CHST11: variants seen among roughly 807,000 people sequenced by gnomAD.
CHST11 encodes C4S-1.
CHST11 carries 9 observed loss-of-function variants against 30.4 expected under a neutral mutation model. The observed-to-expected ratio is 0.30, with a 90% CI of 0.18 to 0.52. The LOEUF (loss-of-function observed/expected upper bound fraction) is 0.52. Ranked by LOEUF, CHST11 falls within the 20% of genes least tolerant of loss-of-function variation. The pLI is 0.97. For synonymous variants in CHST11, 152 were observed against 187.8 expected (o/e 0.81, Z 1.56); for missense variants, 348 against 460.6 (o/e 0.76, Z 2.24).
rs557531281 is a variant in CHST11 at position 104,468,601 on chromosome 12, A to G, written c.118+11072A>G. Among the ~76,000 whole-genome samples the G allele has an allele frequency of 2.6e-5, 4 of 152,286 alleles. No individual in the cohort carries two copies. In the South Asian group the frequency reaches 6.2e-4, roughly 24 times the overall value. The stretch of plus-strand genomic sequence containing the variant: ...TGATAGACATTCTGCGAAGGGTGGG[A>G]CCTTTCTGCCCATCAAAGAATCATT... On this transcript the variant is annotated intron_variant, in intron 1 of 2. Coordinates refer to ENST00000303694, the MANE Select transcript of CHST11 (RefSeq NM_018413.6).
intron 2 of CHST11, among the ~76,000 whole-genome samples, chr12:104,638,750 C>T (rs1391281963): frequency 1.3e-5 from 2 of 152,148 alleles, no homozygotes; most frequent in Admixed American, 1.3e-4. Flanking sequence ...GTGCAGCTTA[C>T]CTAAAGGAAG....
intron 2 of CHST11, among the ~76,000 whole-genome samples, chr12:104,680,114 T>A (rs548997872): frequency 6.6e-6 from 1 of 152,360 alleles, no homozygotes; most frequent in African/African-American, 2.4e-5. Flanking sequence ...GCCCCAGGGA[T>A]ACAGCAGTGC....
rs1050857508 is a variant in CHST11, at chr12:104,659,298, G to T, written c.204+57307G>T. ...GCAAAGTGGGGTGACAGTCTCTTAG[G>T]GTTGTTTAGGGAGGATTCCTTGAGG... On this transcript the variant is annotated intron_variant, in intron 2 of 2. Coordinates refer to ENST00000303694, the MANE Select transcript of CHST11 (RefSeq NM_018413.6). Among the ~76,000 whole-genome samples the T allele has an allele frequency of 2.0e-4, 31 of 152,296 alleles. 4 individuals carry two copies. The highest frequency in any genetic ancestry group is 9.2e-4 in the Admixed American group (14 of 15,298).
intron 2 of CHST11, among the ~76,000 whole-genome samples, chr12:104,693,487 C>T (rs1351593032): frequency 6.6e-6 from 1 of 152,170 alleles, no homozygotes; most frequent in Non-Finnish European, 1.5e-5. Context: ...CTGTCTCAGG[C>T]ACACCAGGAT....
At chr12:104,627,457 G>A (rs559756813) in intron 2 of CHST11, among the ~76,000 whole-genome samples, 1 of 152,214 alleles carries the variant, frequency 6.6e-6, no homozygotes, top group South Asian at 2.1e-4. Flanking sequence ...TGTAGCTGCC[G>A]CATGGACTGG....
intron 2 of CHST11, among the ~76,000 whole-genome samples, chr12:104,722,184 G>C (rs2136127233): frequency 6.7e-6 from 1 of 149,762 alleles, no homozygotes; most frequent in Middle Eastern, 3.4e-3. Context: ...GTGTGTGTGT[G>C]TGTGTATGAG....
chr12:104,558,029 C>T (rs1725403022), intron 1 of CHST11, among the ~76,000 whole-genome samples: 1 of 152,070 alleles, frequency 6.6e-6, no homozygotes, highest in Admixed American at 6.6e-5. Context: ...ACCAGCTCTG[C>T]TGTGCGGAGA....
At chr12:104,567,397 TC>T (rs2038578908) in intron 1 of CHST11, among the ~76,000 whole-genome samples, 1 of 152,196 alleles carries the variant, frequency 6.6e-6, no homozygotes. Flanking sequence ...ATGATTAGTT[TC>T]TTTTTGGGTA....
At chr12:104,717,865 G>A (rs923693074) in intron 2 of CHST11, among the ~76,000 whole-genome samples, 6 of 151,494 alleles carry the variant, frequency 4.0e-5, no homozygotes, top group East Asian at 1.9e-4. Flanking sequence ...CAGGAGAATC[G>A]CTTGAACCCA....
chr12:104,520,215 G>A (rs1034882982), intron 1 of CHST11, among the ~76,000 whole-genome samples: 25 of 152,334 alleles, frequency 1.6e-4, no homozygotes, highest in Non-Finnish European at 2.9e-4. Context: ...GAACTACTGA[G>A]CATTAGTTTC....
At chr12:104,603,999 TAGC>T (rs1180754346) in intron 2 of CHST11, among the ~76,000 whole-genome samples, 1 of 152,180 alleles carries the variant, frequency 6.6e-6, no homozygotes, top group Non-Finnish European at 1.5e-5. Context: ...CTTAGTAGCT[TAGC>T]AGCTTAGCAC....
chr12:104,742,292 C>T (rs2136139598), intron 2 of CHST11, among the ~76,000 whole-genome samples: 1 of 152,246 alleles, frequency 6.6e-6, no homozygotes, highest in South Asian at 2.1e-4. Flanking sequence ...GGAGGAGATC[C>T]TGAAGGGAGG....
chr12:104,571,345 T>A (rs2038624176), intron 1 of CHST11, among the ~76,000 whole-genome samples: 1 of 151,964 alleles, frequency 6.6e-6, no homozygotes, highest in Admixed American at 6.6e-5. Context: ...GTATTTTTAG[T>A]AGAGATGGGG....
chr12:104,592,036 C>T (rs73187426), intron 1 of CHST11, among the ~76,000 whole-genome samples: 42,714 of 151,480 alleles, frequency 0.28, 6,200 homozygotes, highest in African/African-American at 0.34. Context: ...TCTTTACCTG[C>T]AAAATGGGGT....
intron 1 of CHST11, among the ~76,000 whole-genome samples, chr12:104,598,757 GC>G (rs752397833): frequency 6.6e-5 from 10 of 152,308 alleles, no homozygotes; most frequent in Non-Finnish European, 1.5e-4. Flanking sequence ...AGATCACTGG[GC>G]CCCTCCTGAG....
In CHST11 at chr12:104,735,693, G is replaced by A. The variant is rs1042380631; in HGVS notation, c.205-21256G>A. On this transcript the variant is annotated intron_variant, in intron 2 of 2. Coordinates refer to ENST00000303694, the MANE Select transcript of CHST11 (RefSeq NM_018413.6). ...CAGTACTTCTAGAGAAATCACAGGG[G>A]TCCAGTGCCCTGCATGGGACAGGGC... Among the ~76,000 whole-genome samples the A allele has an allele frequency of 2.0e-5, 3 of 152,348 alleles. 1 individual carries two copies. The South Asian group carries it at 6.2e-4, about 32-fold the overall frequency.
intron 2 of CHST11, among the ~76,000 whole-genome samples, chr12:104,742,430 C>G (rs903087173): frequency 6.6e-6 from 1 of 152,130 alleles, no homozygotes; most frequent in Admixed American, 6.5e-5. Flanking sequence ...CTCCTCCTCC[C>G]CTACTCCTGC....
chr12:104,570,992 A>T (rs532635568), intron 1 of CHST11, among the ~76,000 whole-genome samples: 130 of 152,150 alleles, frequency 8.5e-4, no homozygotes, highest in African/African-American at 2.7e-3. Flanking sequence ...CACCCAGCGC[A>T]CTGTGCTTTT....
At chr12:104,548,268 G>T (rs1045023233) in intron 1 of CHST11, among the ~76,000 whole-genome samples, 10 of 152,216 alleles carry the variant, frequency 6.6e-5, no homozygotes, top group Non-Finnish European at 1.5e-4. Context: ...AGGCAAGGAG[G>T]CAGGGAGAAG....
Sources: gnomAD v4.1 joint callset for allele counts (sites outside exome capture counted in the v4.1 genomes callset) on GRCh38, gnomAD v4.1.1 for gene constraint, MANE v1.5 for transcripts, NCBI Gene and HGNC (gene_info 2026-07-23, HGNC 2026-07-21) for gene names.